The following ELOVL6 variants were observed in gnomAD, a reference collection of about 807,000 sequenced individuals.
ELOVL6 encodes ELOVL fatty acid elongase 6.
Under a neutral mutation model 31.7 loss-of-function variants are expected in ELOVL6, and 8 were observed. The observed-to-expected ratio is 0.25, with a 90% CI of 0.15 to 0.45. ELOVL6 has a LOEUF of 0.45. Among genes scored for constraint, ELOVL6 ranks in the 20% least tolerant of loss-of-function variants. The pLI is 1.00. For missense variants in ELOVL6, 126 were observed against 326.4 expected (o/e 0.39, Z 4.73); for synonymous variants, 101 against 117.7 (o/e 0.86, Z 0.92).
chr4:110,176,507 T>C (rs982111081), intron 1 of ELOVL6, among the ~76,000 whole-genome samples: 1 of 152,220 alleles, frequency 6.6e-6, no homozygotes, highest in South Asian at 2.1e-4. Flanking sequence ...TGAAGAGTCA[T>C]GTAAAAAGTC....
At chr4:110,091,176 G>A (rs184085487) in intron 2 of ELOVL6, among the ~76,000 whole-genome samples, 1 of 152,170 alleles carries the variant, frequency 6.6e-6, no homozygotes, top group Non-Finnish European at 1.5e-5. Flanking sequence ...ATGTCCTTAA[G>A]GAGAACAGAA....
chr4:110,133,818 A>G (rs1260000798), intron 1 of ELOVL6, among the ~76,000 whole-genome samples: 1 of 152,242 alleles, frequency 6.6e-6, no homozygotes, highest in Non-Finnish European at 1.5e-5. Context: ...AACTCACCTC[A>G]TAGTTACTTA....
intron 1 of ELOVL6, among the ~76,000 whole-genome samples, chr4:110,119,082 AT>A (rs1757269923): frequency 6.6e-6 from 1 of 152,196 alleles, no homozygotes; most frequent in African/African-American, 2.4e-5. Flanking sequence ...ATTAAAATTA[AT>A]AAAAATTGAG....
chr4:110,084,553 C>CATATATATATATATAT (rs1560815725), intron 2 of ELOVL6, among the ~76,000 whole-genome samples: 1 of 57,936 alleles, frequency 1.7e-5, no homozygotes, highest in African/African-American at 1.0e-4. Context: ...CACACACACA[C>CATATATATATATATAT]ACACACACAG....
intron 1 of ELOVL6, among the ~76,000 whole-genome samples, chr4:110,119,329 A>G (rs1214574928): frequency 1.3e-5 from 2 of 152,228 alleles, no homozygotes; most frequent in African/African-American, 4.8e-5. Flanking sequence ...GTGGTATCAC[A>G]TGATAAAGTA....
chr4:110,095,752 G>C (rs929764144), intron 2 of ELOVL6, among the ~76,000 whole-genome samples: 15 of 152,114 alleles, frequency 9.9e-5, no homozygotes, highest in African/African-American at 3.4e-4. Context: ...GCAACTAGTG[G>C]TTGCAAAACT....
Position 110,181,030 on chromosome 4 carries a change from AG to A in ELOVL6, c.89+17216del, listed in dbSNP as rs555534282. ...ATGCATCCCTGTAATCCTACCTACTAGGGAGGCTGAGGCGGAAGGATTGCTT... is the reference window on the plus strand; with the variant it reads ...ATGCATCCCTGTAATCCTACCTACTAGGAGGCTGAGGCGGAAGGATTGCTT... On this transcript the variant is annotated intron_variant, in intron 1 of 3. Coordinates refer to ENST00000302274, the MANE Select transcript of ELOVL6 (RefSeq NM_024090.3). Among the ~76,000 whole-genome samples the A allele has an allele frequency of 2.0e-4, 30 of 152,072 alleles. No individual in the cohort carries two copies. In the East Asian group the frequency reaches 5.6e-3, roughly 28 times the overall value.
chr4:110,053,308 C>A (rs1754884606), intron 3 of ELOVL6, among the ~76,000 whole-genome samples: 2 of 152,168 alleles, frequency 1.3e-5, no homozygotes, highest in African/African-American at 4.8e-5. Context: ...CCTACCTTAT[C>A]CCTCATGTAC....
intron 2 of ELOVL6, among the ~76,000 whole-genome samples, chr4:110,078,240 G>A (rs1049776646): frequency 4.6e-5 from 7 of 152,054 alleles, no homozygotes; most frequent in South Asian, 2.1e-4. Flanking sequence ...TACAGAGAAC[G>A]CCACAAAGAT....
chr4:110,174,233 G>A (rs1759035545), intron 1 of ELOVL6, among the ~76,000 whole-genome samples: 1 of 147,438 alleles, frequency 6.8e-6, no homozygotes, highest in South Asian at 2.1e-4. Flanking sequence ...GCGTAATCTC[G>A]GCTCACTGCA....
Position 110,059,742 on chromosome 4 carries a change from A to G in ELOVL6, c.234T>C (p.Ala78=), listed in dbSNP as rs763616456. 7.4e-6 allele frequency: 12 copies of G among 1,612,502 alleles called. No homozygotes were observed. The highest frequency in any genetic ancestry group is 9.3e-6 in the Non-Finnish European group (11 of 1,179,498). ...ACACCATATAAGCACCAGTTCGAAG[A>G]GCACCGAATATACTTCATAATGAAA... ...LTLAVFSIFG[A]LRTGAYMVYI... is the part of the protein sequence containing the mutation. Residue 78 remains alanine (A), a synonymous_variant, in exon 3 of 4, where the codon GCT becomes GCC. Transcript: ENST00000302274.
intron 2 of ELOVL6, among the ~76,000 whole-genome samples, chr4:110,091,511 A>C (rs929191088): frequency 1.3e-5 from 2 of 152,186 alleles, no homozygotes; most frequent in Non-Finnish European, 2.9e-5. Flanking sequence ...ATCTGCATTA[A>C]GCTAGCATAA....
chr4:110,082,803 G>A (rs1031595542), intron 2 of ELOVL6, among the ~76,000 whole-genome samples: 10 of 152,140 alleles, frequency 6.6e-5, no homozygotes, highest in Admixed American at 3.9e-4. Context: ...TTCTCACAGC[G>A]CATCCCTGTC....
chr4:110,102,660 C>T (rs1400853218), intron 2 of ELOVL6, among the ~76,000 whole-genome samples: 3 of 130,350 alleles, frequency 2.3e-5, no homozygotes, highest in East Asian at 4.4e-4. Flanking sequence ...ATCTTGTCTC[C>T]AAAAAAAAAA....
In ELOVL6 at chr4:110,077,287, T is replaced by A. The variant is rs193194661; in HGVS notation, c.222-17533A>T. Among the ~76,000 whole-genome samples the A allele has an allele frequency of 2.9e-3, 435 of 152,222 alleles. 2 individuals carry two copies. The highest frequency in any genetic ancestry group is 5.4e-3 in the Non-Finnish European group (364 of 68,018). The stretch of plus-strand genomic sequence containing the variant: ...TGGAGATCTGAGAATGGACAGACTG[T>A]CTCCTCAAGTGGGTCCCTGACCCCC... On this transcript the variant is annotated intron_variant, in intron 2 of 3. Coordinates refer to ENST00000302274, the MANE Select transcript of ELOVL6 (RefSeq NM_024090.3).
At chr4:110,194,042 T>G (rs1030802861) in intron 1 of ELOVL6, among the ~76,000 whole-genome samples, 1 of 152,206 alleles carries the variant, frequency 6.6e-6, no homozygotes, top group Non-Finnish European at 1.5e-5. Context: ...CATCCACTGC[T>G]GTTAGCACAA....
intron 1 of ELOVL6, among the ~76,000 whole-genome samples, chr4:110,118,744 C>T (rs1448353401): frequency 6.6e-6 from 1 of 152,154 alleles, no homozygotes; most frequent in East Asian, 1.9e-4. Context: ...TTTGATATCA[C>T]CAAAGTTTTC....
chr4:110,195,727 T>G (rs796933099), intron 1 of ELOVL6, among the ~76,000 whole-genome samples: 52 of 152,234 alleles, frequency 3.4e-4, no homozygotes, highest in African/African-American at 1.0e-3. Flanking sequence ...CTGTTAACCT[T>G]CGGGTATTAA....
intron 2 of ELOVL6, among the ~76,000 whole-genome samples, chr4:110,085,725 G>A (rs1756245102): frequency 6.6e-6 from 1 of 152,110 alleles, no homozygotes; most frequent in Admixed American, 6.6e-5. Context: ...ACCACCAGAG[G>A]CTCTACTTTT....
Sources: allele counts gnomAD v4.1 joint callset (sites outside exome capture counted in the v4.1 genomes callset), GRCh38; gene constraint gnomAD v4.1.1; transcripts MANE v1.5; gene names NCBI Gene and HGNC (gene_info 2026-07-23, HGNC 2026-07-21).